Variants in PCDH15 observed in about 807,000 individuals in gnomAD.
PCDH15 encodes the protein protocadherin related 15.
A neutral mutation model predicts 178.5 loss-of-function variants in PCDH15; 129 were observed. The ratio of observed to expected loss-of-function variants is 0.72; its 90% CI spans 0.63 to 0.84. PCDH15 has a LOEUF of 0.84. Ranked by LOEUF, PCDH15 falls within the 40% of genes least tolerant of loss-of-function variation. The probability of loss-of-function intolerance (pLI) is 0.00; values close to 1 mark genes in which losing one functional copy is unlikely to be tolerated. For missense variants in PCDH15, 2,230 were observed against 2,099.9 expected, an observed-to-expected ratio of 1.06 and a Z score of -1.21; for synonymous variants, 800 against 732.0, an observed-to-expected ratio of 1.09 and a Z score of -1.50.
At chr10:54,854,058 C>G (rs1237206145) in intron 3 of PCDH15, among the ~76,000 whole-genome samples, 1 of 152,162 alleles carries the variant, frequency 6.6e-6, no homozygotes, top group African/African-American at 2.4e-5. Flanking sequence ...GGTGTGTGAG[C>G]AAGCATGGGA....
chr10:54,570,931 G>A (rs931057543), intron 2 of PCDH15, among the ~76,000 whole-genome samples: 13 of 151,564 alleles, frequency 8.6e-5, no homozygotes, highest in African/African-American at 2.9e-4. Flanking sequence ...CTCCCAAAGT[G>A]CTGGGATTAC....
At chr10:54,614,589 G>A (rs1412812505) in intron 2 of PCDH15, among the ~76,000 whole-genome samples, 5 of 151,940 alleles carry the variant, frequency 3.3e-5, no homozygotes, top group African/African-American at 1.2e-4. Context: ...TGTACCATCT[G>A]ACCTAATTAT....
chr10:55,181,715 T>C (rs1839653407), intron 1 of PCDH15, among the ~76,000 whole-genome samples: 1 of 152,020 alleles, frequency 6.6e-6, no homozygotes, highest in Admixed American at 6.6e-5. Context: ...TGCACTTCTA[T>C]ATTAAACTAA....
Position 55,189,820 on chromosome 10 carries a change from G to C in PCDH15, c.-155-23169C>G, listed in dbSNP as rs943297250. Among the ~76,000 whole-genome samples, 9 of 151,822 alleles carry C rather than the reference G, an allele frequency of 5.9e-5. No individual in the cohort carries two copies. In the East Asian group the frequency reaches 1.7e-3, roughly 29 times the overall value. ...GAGTTCTTATACATTAATGAATGGA[G>C]CTGTCACTTGGTTCAAATACTTAGA... On this transcript the variant is annotated intron_variant, in intron 1 of 5. Coordinates refer to the PCDH15 transcript ENST00000458638.
intron 3 of PCDH15, among the ~76,000 whole-genome samples, chr10:54,448,051 A>C (rs1257797948): frequency 6.6e-6 from 1 of 151,648 alleles, no homozygotes; most frequent in Non-Finnish European, 1.5e-5. Flanking sequence ...TTAGAACGTT[A>C]AAGTTTCTCC....
chr10:54,320,796 C>T (rs1055326765), intron 7 of PCDH15, among the ~76,000 whole-genome samples: 1 of 151,572 alleles, frequency 6.6e-6, no homozygotes, highest in Non-Finnish European at 1.5e-5. Flanking sequence ...TTTCCTCATC[C>T]CATTATTAAG....
At chr10:54,195,005 A>G (rs1164354863) in intron 11 of PCDH15, among the ~76,000 whole-genome samples, 1 of 152,144 alleles carries the variant, frequency 6.6e-6, no homozygotes, top group Non-Finnish European at 1.5e-5. Flanking sequence ...CATGATACCA[A>G]AGTCTTTCAG....
At chr10:54,346,960 C>T (rs1388965778) in intron 5 of PCDH15, among the ~76,000 whole-genome samples, 1 of 152,122 alleles carries the variant, frequency 6.6e-6, no homozygotes, top group Admixed American at 6.5e-5. Context: ...AATGAATAGT[C>T]TGTATATTAG....
At chr10:54,683,176 T>C (rs984185033) in intron 1 of PCDH15, among the ~76,000 whole-genome samples, 7 of 152,146 alleles carry the variant, frequency 4.6e-5, no homozygotes, top group African/African-American at 1.7e-4. Flanking sequence ...TAAGATTTTG[T>C]TGTGGTAAAA....
Position 53,865,581 on chromosome 10 carries a change from C to A in PCDH15, c.3717+1061G>T, listed in dbSNP as rs540432651. Among the ~76,000 whole-genome samples, 5 of 152,200 alleles carry A rather than the reference C, an allele frequency of 3.3e-5. No individual in the cohort carries two copies. The East Asian group carries it at 7.7e-4, about 24-fold the overall frequency. The stretch of plus-strand genomic sequence containing the variant: ...AAGTGTTTACCGATCTTAATTTGAT[C>A]AAAAATTTATGTCAAACTTAATATC... On this transcript the variant is annotated intron_variant, in intron 27 of 37. Coordinates refer to ENST00000644397, the MANE Select transcript of PCDH15 (RefSeq NM_001384140.1).
chr10:54,524,929 A>G (rs1216971516), intron 3 of PCDH15, among the ~76,000 whole-genome samples: 1 of 152,218 alleles, frequency 6.6e-6, no homozygotes, highest in Non-Finnish European at 1.5e-5. Flanking sequence ...AGGAATTGAA[A>G]GCATCTAACA....
chr10:54,060,577 G>T (rs2135737328), intron 18 of PCDH15, among the ~76,000 whole-genome samples: 1 of 152,258 alleles, frequency 6.6e-6, no homozygotes, highest in South Asian at 2.1e-4. Flanking sequence ...TACTTGAGAT[G>T]AATTCTATTA....
chr10:54,303,249 G>T (rs1406459010), intron 8 of PCDH15, among the ~76,000 whole-genome samples: 2 of 151,830 alleles, frequency 1.3e-5, no homozygotes, highest in African/African-American at 4.8e-5. Flanking sequence ...CTTAATCTCT[G>T]TATGCATTTT....
rs1291979471 is a variant in PCDH15, at chr10:53,988,874, T to C, written c.2868+6775A>G. 2.6e-5 allele frequency among the ~76,000 whole-genome samples: 4 copies of C among 152,074 alleles called. No homozygotes were observed. In the South Asian group the frequency reaches 6.2e-4, roughly 24 times the overall value. On this transcript the variant is annotated intron_variant, in intron 21 of 37. Transcript: ENST00000644397. ...ATTGATACTGTTAAAAGAAAAGCTT[T>C]AGACAAATTTAAGAGTTTAATTGAG...
chr10:54,521,080 G>C (rs1021333022), intron 3 of PCDH15, among the ~76,000 whole-genome samples: 4 of 108,700 alleles, frequency 3.7e-5, no homozygotes, highest in Admixed American at 2.4e-4. Context: ...GGGGAGGGGG[G>C]AGGGATAGTA....
intron 3 of PCDH15, among the ~76,000 whole-genome samples, chr10:54,417,750 T>A (rs906360749): frequency 1.3e-5 from 2 of 152,196 alleles, no homozygotes; most frequent in Non-Finnish European, 2.9e-5. Context: ...ACTAATTCAT[T>A]TCTAAGTAAC....
Position 53,866,870 on chromosome 10 carries a change from G to GAA in PCDH15, c.3502-15_3502-14dup, listed in dbSNP as rs5785023. The GAA allele has an allele frequency of 1.9e-4, 279 of 1,480,158 alleles. No individual in the cohort carries two copies. Among genetic ancestry groups the GAA allele is most frequent in the East Asian group, 7.2e-4 (28 of 39,044 alleles). 91.7% of individuals were successfully genotyped at this position (1,480,158 alleles called of 1,614,324 possible). On this transcript the variant is annotated splice_polypyrimidine_tract_variant and intron_variant, in intron 26 of 37. Coordinates refer to ENST00000644397, the MANE Select transcript of PCDH15 (RefSeq NM_001384140.1). ...CTTTATCAGTAGCCTAGACGGAGGGGAAAAAAAAAGAGATTATAATTAAGC... is the reference window on the plus strand; with the variant it reads ...CTTTATCAGTAGCCTAGACGGAGGGGAAAAAAAAAAAGAGATTATAATTAAGC...
At chr10:54,371,603 G>C (rs1323681415) in intron 4 of PCDH15, among the ~76,000 whole-genome samples, 1 of 151,784 alleles carries the variant, frequency 6.6e-6, no homozygotes, top group Non-Finnish European at 1.5e-5. Flanking sequence ...ACCATAAGTA[G>C]AGGGCTTCTC....
chr10:55,077,426 C>CCTTCCTTT, intron 2 of PCDH15, among the ~76,000 whole-genome samples: 1 of 89,268 alleles, frequency 1.1e-5, no homozygotes, highest in Admixed American at 1.2e-4. Flanking sequence ...TTCCTTCCTT[C>CCTTCCTTT]CTTCCTTCCT....
Sources: gnomAD v4.1 joint callset for allele counts (sites outside exome capture counted in the v4.1 genomes callset) on GRCh38, gnomAD v4.1.1 for gene constraint, MANE v1.5 for transcripts, NCBI Gene and HGNC (gene_info 2026-07-23, HGNC 2026-07-21) for gene names.